Variants in KIF13B observed in about 807,000 individuals in gnomAD.
KIF13B encodes the protein kinesin family member 13B.
In KIF13B, 127 loss-of-function variants were observed where a neutral mutation model predicts 222.0. That is an observed-to-expected ratio of 0.57 (90% confidence interval 0.50 to 0.66). The LOEUF (loss-of-function observed/expected upper bound fraction) is 0.66. Ranked by LOEUF, KIF13B falls within the 30% of genes least tolerant of loss-of-function variation. The probability of loss-of-function intolerance (pLI) is 0.00; values close to 1 mark genes in which losing one functional copy is unlikely to be tolerated. For missense variants in KIF13B, 2,173 were observed against 2,379.0 expected (o/e 0.91, Z 1.80); for synonymous variants, 976 against 919.0 (o/e 1.06, Z -1.12).
At chr8:29,174,848 GAATTAAAAAGTTGA>G (rs1328477954) in intron 10 of KIF13B, among the ~76,000 whole-genome samples, 1 of 152,076 alleles carries the variant, frequency 6.6e-6, no homozygotes, top group Admixed American at 6.6e-5. Context: ...GCAGAGTTTT[GAATTAAAAAGTTGA>G]ATACTAGTTA....
intron 17 of KIF13B, 81 bp from the exon 18 acceptor site, chr8:29,146,621 A>G (rs1811072552): frequency 1.6e-6 from 2 of 1,246,396 alleles, no homozygotes; most frequent in East Asian, 4.9e-5. Flanking sequence ...CAGTGGTAGT[A>G]CATCATTGCC....
At chr8:29,122,734 C>G in intron 28 of KIF13B, 88 bp from the exon 29 acceptor site, 2 of 1,046,100 alleles carry the variant, frequency 1.9e-6, no homozygotes, top group Non-Finnish European at 2.9e-6. Context: ...GCATTCAGGG[C>G]TGTTACAGGG....
chr8:29,193,101 G>A (rs1399867936), intron 3 of KIF13B, among the ~76,000 whole-genome samples: 1 of 152,132 alleles, frequency 6.6e-6, no homozygotes, highest in Admixed American at 6.5e-5. Context: ...TGAAACAGCA[G>A]GCAGGGGAGA....
intron 21 of KIF13B, among the ~76,000 whole-genome samples, chr8:29,139,019 G>A (rs1428016910): frequency 6.6e-6 from 1 of 152,134 alleles, no homozygotes; most frequent in African/African-American, 2.4e-5. Flanking sequence ...TATGATGCTG[G>A]GGCGTGCCTG....
At chr8:29,126,779 G>A (rs955907056) in intron 25 of KIF13B, among the ~76,000 whole-genome samples, 1 of 152,146 alleles carries the variant, frequency 6.6e-6, no homozygotes, top group Non-Finnish European at 1.5e-5. Context: ...CCACTCGCCA[G>A]GGGAAATCAA....
At chr8:29,077,167 C>T (rs1229775199) in intron 37 of KIF13B, among the ~76,000 whole-genome samples, 2 of 152,126 alleles carry the variant, frequency 1.3e-5, no homozygotes, top group Non-Finnish European at 2.9e-5. Flanking sequence ...GCAGTTAGGC[C>T]ATTGCACATG....
chr8:29,127,806 C>A (rs1810180125), intron 24 of KIF13B, among the ~76,000 whole-genome samples: 1 of 152,066 alleles, frequency 6.6e-6, no homozygotes, highest in African/African-American at 2.4e-5. Flanking sequence ...AATAATCATA[C>A]ATATACACAA....
At chr8:29,223,212 T>C (rs1387568978) in intron 2 of KIF13B, among the ~76,000 whole-genome samples, 1 of 146,710 alleles carries the variant, frequency 6.8e-6, no homozygotes, top group Non-Finnish European at 1.5e-5. Context: ...ATGGTGGCGC[T>C]CAAGTCCCAG....
chr8:29,239,487 C>G (rs1815664236), intron 2 of KIF13B, among the ~76,000 whole-genome samples: 1 of 152,092 alleles, frequency 6.6e-6, no homozygotes, highest in Non-Finnish European at 1.5e-5. Context: ...ACATTGGGTA[C>G]ACATGGACAC....
At chr8:29,205,854 G>A (rs745602540) in intron 2 of KIF13B, among the ~76,000 whole-genome samples, 8 of 151,872 alleles carry the variant, frequency 5.3e-5, no homozygotes, top group Non-Finnish European at 7.4e-5. Context: ...AGGCTGAGGC[G>A]GGAGGATCAC....
chr8:29,190,827 C>T, intron 4 of KIF13B, 170 bp downstream of exon 4: 1 of 662,936 alleles, frequency 1.5e-6, no homozygotes, highest in Admixed American at 2.2e-5. Flanking sequence ...GGAAAACTCC[C>T]CCAACATTTG....
rs920854763 is a variant in KIF13B, at chr8:29,198,569, C to T, written c.150-2370G>A. Among the ~76,000 whole-genome samples, 9 of 152,218 alleles carry T rather than the reference C, an allele frequency of 5.9e-5. No homozygotes were observed. The East Asian group carries it at 1.4e-3, about 23-fold the overall frequency. ...AACTCTTGATCTCAAGTGATCCGCC[C>T]GCCTCGGCCTCCCAAAGTGCTGGGA... On this transcript the variant is annotated intron_variant, in intron 2 of 39. Transcript: ENST00000524189.
rs1329015382 is a variant in KIF13B at position 29,140,056 on chromosome 8, G to A, written c.2613+7C>T. 5.1e-6 allele frequency: 8 copies of A among 1,573,434 alleles called. No individual in the cohort carries two copies. The highest frequency in any genetic ancestry group is 6.9e-6 in the Non-Finnish European group (8 of 1,159,992). ...CAACGTAATACTAGGATGAAGCTGG[G>A]ACTTACCATGCACACCAGTTTGTTC... On this transcript the variant is annotated splice_region_variant and intron_variant, in intron 21 of 39. Coordinates refer to ENST00000524189, the MANE Select transcript of KIF13B (RefSeq NM_015254.4).
At chr8:29,180,025 C>T (rs1038248024) in intron 8 of KIF13B, 79 bp downstream of exon 8, 108 of 1,521,664 alleles carry the variant, frequency 7.1e-5, no homozygotes, top group Middle Eastern at 5.2e-4. Flanking sequence ...TTTAATTCAT[C>T]TAACACCTGA....
Position 29,127,117 on chromosome 8 carries a change from C to CT in KIF13B, c.3222+4dup. The CT allele has an allele frequency of 6.2e-7, 1 of 1,613,232 alleles. No individual in the cohort carries two copies. Among genetic ancestry groups the CT allele is most frequent in the Non-Finnish European group, 8.5e-7 (1 of 1,179,482 alleles). On this transcript the variant is annotated splice_donor_region_variant and intron_variant, in intron 25 of 39. Transcript: ENST00000524189. The stretch of plus-strand genomic sequence containing the variant: ...AAGAAGAACATAACAGGTATAGAAA[C>CT]TTACATGGAAGGTCTCATGTGTTCT...
intron 29 of KIF13B, among the ~76,000 whole-genome samples, chr8:29,121,529 TCCTTACA>T (rs1232585351): frequency 1.2e-5 from 1 of 86,248 alleles, no homozygotes; most frequent in Non-Finnish European, 2.2e-5. Flanking sequence ...CTGGATCCCT[TCCTTACA>T]CCTTATACAA....
intron 2 of KIF13B, among the ~76,000 whole-genome samples, chr8:29,210,462 T>C (rs1369341223): frequency 6.6e-6 from 1 of 152,160 alleles, no homozygotes; most frequent in East Asian, 1.9e-4. Flanking sequence ...ACACCCTACG[T>C]CTCCTTCCAG....
At chr8:29,118,010 T>C (rs1157625809) in intron 30 of KIF13B, among the ~76,000 whole-genome samples, 1 of 147,706 alleles carries the variant, frequency 6.8e-6, no homozygotes, top group East Asian at 2.1e-4. Flanking sequence ...ATACAAAAAT[T>C]AGCCAGGTGT....
intron 3 of KIF13B, among the ~76,000 whole-genome samples, chr8:29,191,394 T>C (rs1368626460): frequency 1.3e-5 from 2 of 152,236 alleles, no homozygotes; most frequent in East Asian, 3.8e-4. Flanking sequence ...AATATTTTTA[T>C]TTTTGTAGTC....
Sources: gnomAD v4.1 joint callset for allele counts (sites outside exome capture counted in the v4.1 genomes callset) on GRCh38, gnomAD v4.1.1 for gene constraint, MANE v1.5 for transcripts, NCBI Gene and HGNC (gene_info 2026-07-23, HGNC 2026-07-21) for gene names.